Variants in OPCML observed in about 807,000 individuals in gnomAD.
OPCML encodes opioid-binding protein/cell adhesion molecule.
Under a neutral mutation model 37.8 loss-of-function variants are expected in OPCML, and 13 were observed. The ratio of observed to expected loss-of-function variants is 0.34; its 90% CI spans 0.22 to 0.55. OPCML has a LOEUF of 0.55. Ranked by LOEUF, OPCML falls within the 20% of genes least tolerant of loss-of-function variation. The pLI is 0.91. For missense variants in OPCML, 341 were observed against 435.6 expected, an observed-to-expected ratio of 0.78 and a Z score of 1.93; for synonymous variants, 176 against 168.8, an observed-to-expected ratio of 1.04 and a Z score of -0.33.
At chr11:132,730,269 T>A (rs1945033637) in intron 2 of OPCML, among the ~76,000 whole-genome samples, 1 of 152,084 alleles carries the variant, frequency 6.6e-6, no homozygotes, top group African/African-American at 2.4e-5. Context: ...AAATAAAGAT[T>A]AATAAATAAC....
At chr11:133,126,810 C>T (rs894613009) in intron 1 of OPCML, among the ~76,000 whole-genome samples, 7 of 152,010 alleles carry the variant, frequency 4.6e-5, no homozygotes, top group South Asian at 2.1e-4. Context: ...TCCTGGGATT[C>T]GAAGCCATAG....
At chr11:133,453,851 G>T (rs185997693) in intron 1 of OPCML, among the ~76,000 whole-genome samples, 118 of 152,304 alleles carry the variant, frequency 7.7e-4, no homozygotes, top group Middle Eastern at 3.4e-3. Context: ...ATGAATGTTT[G>T]CGGACAGAGC....
At chr11:133,359,917 C>T (rs1009134369) in intron 1 of OPCML, 8 of 152,204 alleles carry the variant, frequency 5.3e-5, no homozygotes, top group African/African-American at 1.9e-4. Context: ...TTTATTCATT[C>T]ATTCATTTCT....
chr11:133,458,722 T>G (rs1323509222), intron 1 of OPCML, among the ~76,000 whole-genome samples: 2 of 135,960 alleles, frequency 1.5e-5, no homozygotes, highest in Non-Finnish European at 3.0e-5. Flanking sequence ...CGTGTGTGTA[T>G]ATATACACAT....
intron 1 of OPCML, among the ~76,000 whole-genome samples, chr11:133,220,849 G>A (rs1024741166): frequency 5.9e-5 from 9 of 152,086 alleles, no homozygotes; most frequent in East Asian, 3.9e-4. Context: ...GGCTTCGTTC[G>A]AGTCCGTTTG....
At chr11:132,727,779 T>C (rs545760186) in intron 2 of OPCML, among the ~76,000 whole-genome samples, 13 of 152,138 alleles carry the variant, frequency 8.5e-5, no homozygotes, top group Non-Finnish European at 1.5e-4. Flanking sequence ...CCCTATGAAA[T>C]TATCTCCTGA....
intron 3 of OPCML, among the ~76,000 whole-genome samples, chr11:132,625,721 G>A (rs1023421811): frequency 2.0e-5 from 3 of 152,240 alleles, no homozygotes; most frequent in Middle Eastern, 6.8e-3. Context: ...CAGACATGAT[G>A]TCTCTTATTT....
At chr11:132,486,239 CAACT>C (rs1245851498) in intron 4 of OPCML, among the ~76,000 whole-genome samples, 2 of 152,152 alleles carry the variant, frequency 1.3e-5, no homozygotes, top group Non-Finnish European at 2.9e-5. Context: ...TTTCCTCAAC[CAACT>C]GTTGACAGCA....
Position 132,803,274 on chromosome 11 carries a change from C to T in OPCML, c.146+139652G>A, listed in dbSNP as rs576477685. Reference sequence around the variant, plus strand: ...ATACGCTCCTTGAAGAAAATCAATGCACATGTGTTTTAGCACTTGTCACAG... The same window carrying T: ...ATACGCTCCTTGAAGAAAATCAATGTACATGTGTTTTAGCACTTGTCACAG... On this transcript the variant is annotated intron_variant, in intron 2 of 7. Transcript: ENST00000524381. Among the ~76,000 whole-genome samples, 6 of 152,320 alleles carry T rather than the reference C, an allele frequency of 3.9e-5. No individual in the cohort carries two copies. In the South Asian group the frequency reaches 1.2e-3, roughly 32 times the overall value.
chr11:132,881,678 C>T (rs1341339055), intron 2 of OPCML, among the ~76,000 whole-genome samples: 2 of 152,092 alleles, frequency 1.3e-5, no homozygotes, highest in African/African-American at 4.8e-5. Flanking sequence ...AATGGCATGA[C>T]TAGCTCTCTC....
chr11:133,182,731 T>C (rs568323922), intron 1 of OPCML, among the ~76,000 whole-genome samples: 1 of 152,336 alleles, frequency 6.6e-6, no homozygotes, highest in African/African-American at 2.4e-5. Flanking sequence ...TGGGAAAGCA[T>C]GTTCCTGGTT....
chr11:132,423,759 G>A (rs1041088753), intron 7 of OPCML, among the ~76,000 whole-genome samples: 36 of 152,282 alleles, frequency 2.4e-4, no homozygotes, highest in African/African-American at 8.4e-4. Flanking sequence ...CCATGGCCTC[G>A]GGGCTCACGT....
chr11:133,010,048 A>C (rs1425153135), intron 1 of OPCML, among the ~76,000 whole-genome samples: 1 of 152,152 alleles, frequency 6.6e-6, no homozygotes, highest in African/African-American at 2.4e-5. Context: ...ACAACCAAAG[A>C]GTTTCCCACA....
At chr11:133,122,324 T>C (rs1949434837) in intron 1 of OPCML, among the ~76,000 whole-genome samples, 1 of 151,608 alleles carries the variant, frequency 6.6e-6, no homozygotes, top group South Asian at 2.1e-4. Flanking sequence ...TTCTTGGGAC[T>C]TCCTGTTTTT....
chr11:132,657,475 A>G (rs1200304585), intron 2 of OPCML, 156 bp from the exon 3 acceptor site: 1 of 950,168 alleles, frequency 1.1e-6, no homozygotes, highest in Non-Finnish European at 1.3e-6. Flanking sequence ...AAACTTCCTA[A>G]ATATAAACTA....
chr11:133,082,356 C>G (rs1015869988), intron 1 of OPCML, among the ~76,000 whole-genome samples: 1 of 149,864 alleles, frequency 6.7e-6, no homozygotes, highest in Non-Finnish European at 1.5e-5. Flanking sequence ...GCAGAGGACC[C>G]GCTGCGCCGT....
chr11:132,678,660 A>G (rs142877261), intron 2 of OPCML, among the ~76,000 whole-genome samples: 1,607 of 152,342 alleles, frequency 0.011, 10 homozygotes, highest in Non-Finnish European at 0.018. Context: ...GATTCCAGCT[A>G]CATGACATTC....
chr11:133,282,998 A>G (rs1011102253), intron 1 of OPCML, among the ~76,000 whole-genome samples: 1 of 152,148 alleles, frequency 6.6e-6, no homozygotes, highest in Non-Finnish European at 1.5e-5. Flanking sequence ...ACTTCGTTTG[A>G]TTTTATAGGC....
chr11:133,074,885 G>A (rs1022345034), intron 1 of OPCML, among the ~76,000 whole-genome samples: 4 of 152,102 alleles, frequency 2.6e-5, no homozygotes, highest in South Asian at 2.1e-4. Context: ...AAAGTTGCCC[G>A]TAATGAGAAG....
Sources: gnomAD v4.1 joint callset for allele counts (sites outside exome capture counted in the v4.1 genomes callset) on GRCh38, gnomAD v4.1.1 for gene constraint, MANE v1.5 for transcripts, NCBI Gene and HGNC (gene_info 2026-07-23, HGNC 2026-07-21) for gene names.